The following CPA5 variants were observed in gnomAD, a reference collection of about 807,000 sequenced individuals.
CPA5 encodes carboxypeptidase A5.
In CPA5, 38 loss-of-function variants were observed where a neutral mutation model predicts 52.2. That is an observed-to-expected ratio of 0.73 (90% CI 0.56 to 0.95). CPA5 has a LOEUF of 0.95. Ranked by LOEUF, CPA5 falls within the 40% of genes least tolerant of loss-of-function variation. CPA5 has a pLI of 0.00. For missense variants in CPA5, 519 were observed against 566.7 expected, an observed-to-expected ratio of 0.92 and a Z score of 0.86; for synonymous variants, 198 against 213.7, an observed-to-expected ratio of 0.93 and a Z score of 0.64.
At chr7:130,359,489 G>T (rs1257961342) in intron 5 of CPA5, 100 bp from the exon 6 acceptor site, 1 of 773,616 alleles carries the variant, frequency 1.3e-6, no homozygotes, top group Non-Finnish European at 2.2e-6. Context: ...CTCCTGTGTT[G>T]CTGCTGTCTT....
chr7:130,359,739 G>A (rs571206373), intron 6 of CPA5, 52 bp downstream of exon 6: 11 of 1,317,806 alleles, frequency 8.3e-6, no homozygotes, highest in Non-Finnish European at 1.2e-5. Context: ...GGGCCCCTTA[G>A]GGTCTCCTGA....
intron 5 of CPA5, among the ~76,000 whole-genome samples, chr7:130,354,693 C>A (rs975154696): frequency 6.6e-6 from 1 of 152,064 alleles, no homozygotes; most frequent in Admixed American, 6.6e-5. Flanking sequence ...GGATCATAGG[C>A]GTGAACCACG....
At chr7:130,348,187 G>A (rs186413077) in intron 4 of CPA5, among the ~76,000 whole-genome samples, 159 of 152,284 alleles carry the variant, frequency 1.0e-3, no homozygotes, top group African/African-American at 3.6e-3. Flanking sequence ...GGGATGCCAC[G>A]TAGCATGGAG....
chr7:130,351,547 C>T (rs894627070), intron 5 of CPA5, among the ~76,000 whole-genome samples: 1 of 152,126 alleles, frequency 6.6e-6, no homozygotes, highest in African/African-American at 2.4e-5. Context: ...CTTGATCCAG[C>T]CAGGCAGGAT....
rs1467856504 is a variant in CPA5 at position 130,367,443 on chromosome 7, G to C, written c.910G>C (p.Ala304Pro). The C allele has an allele frequency of 1.2e-6, 2 of 1,614,026 alleles. No individual in the cohort carries two copies. Among genetic ancestry groups the C allele is most frequent in the African/African-American group, 2.7e-5 (2 of 74,908 alleles). Residue 304 changes from alanine (A) to proline (P), a missense_variant, in exon 11 of 13, where the codon GCT becomes CCT. Transcript: ENST00000474905. ...CTCCCCTCAGTCGGAGCCGGAGGTG[G>C]CTGCCATAGTGAACTTCATCACAGC... ...GPSPQSEPEV[A>P]AIVNFITAHG... is the part of the protein sequence containing the mutation.
At chr7:130,353,714 T>C (rs1446442051) in intron 5 of CPA5, among the ~76,000 whole-genome samples, 2 of 152,170 alleles carry the variant, frequency 1.3e-5, no homozygotes, top group East Asian at 1.9e-4. Context: ...CCATGCGCCA[T>C]CTCGTCCCTC....
intron 10 of CPA5, among the ~76,000 whole-genome samples, chr7:130,366,922 G>T (rs532253614): frequency 6.6e-6 from 1 of 152,226 alleles, no homozygotes; most frequent in Non-Finnish European, 1.5e-5. Flanking sequence ...CTTCAGAACT[G>T]CAGGGTATGG....
chr7:130,366,164 C>T (rs891900171), intron 10 of CPA5, among the ~76,000 whole-genome samples: 6 of 152,206 alleles, frequency 3.9e-5, no homozygotes, highest in Non-Finnish European at 8.8e-5. Flanking sequence ...TGCCTGGCCT[C>T]CTGTGCATTC....
chr7:130,361,276 T>C, intron 7 of CPA5, 32 bp downstream of exon 7: 1 of 1,428,268 alleles, frequency 7.0e-7, no homozygotes, highest in Non-Finnish European at 9.9e-7. Flanking sequence ...CTGTAGACTC[T>C]ACCTTGAGGG....
chr7:130,349,682 A>G (rs1178114335), intron 4 of CPA5, among the ~76,000 whole-genome samples: 1 of 152,212 alleles, frequency 6.6e-6, no homozygotes. Context: ...AAAATATCCC[A>G]TATACCCCAG....
downstream of CPA5, among the ~76,000 whole-genome samples, chr7:130,369,079 C>G (rs1796256238): frequency 6.6e-6 from 1 of 152,196 alleles, no homozygotes; most frequent in African/African-American, 2.4e-5. Context: ...GGCTTCACTT[C>G]CCATGCAGGG....
intron 12 of CPA5, 39 bp from the exon 13 acceptor site, chr7:130,368,370 CT>C: frequency 6.2e-7 from 1 of 1,601,242 alleles, no homozygotes; most frequent in East Asian, 2.2e-5. Context: ...ACATCCCCTT[CT>C]TCCTTTTGTG....
Position 130,349,992 on chromosome 7 carries a change from C to T in CPA5, c.216C>T (p.Gly72=), listed in dbSNP as rs1435926022. ...TGAACAAGGTGGACTTCTGGCGTGG[C>T]CCAGCCAGGCCCAGCCTCCCTGTGG... ...LKPQKVDFWR[G]PARPSLPVDM... is the part of the protein sequence containing the mutation. The change falls in exon 5 of 13, where the codon GGC becomes GGT. Residue 72 remains glycine, a synonymous_variant. Transcript: ENST00000474905. 8 of 1,613,296 alleles carry T rather than the reference C, an allele frequency of 5.0e-6. No individual in the cohort carries two copies. Among genetic ancestry groups the T allele is most frequent in the Non-Finnish European group, 5.9e-6 (7 of 1,179,710 alleles).
intron 5 of CPA5, among the ~76,000 whole-genome samples, chr7:130,351,857 G>T (rs1013489676): frequency 1.2e-4 from 19 of 152,068 alleles, no homozygotes. Context: ...CTGCAGGGTG[G>T]GCCCTCTGCG....
chr7:130,364,824 G>A (rs564117088), intron 10 of CPA5, among the ~76,000 whole-genome samples: 1 of 152,326 alleles, frequency 6.6e-6, no homozygotes, highest in East Asian at 1.9e-4. Flanking sequence ...CACAGGGATT[G>A]GGAAATTGAG....
chr7:130,363,365 C>T, intron 9 of CPA5, 54 bp from the exon 10 acceptor site: 1 of 1,459,730 alleles, frequency 6.9e-7, no homozygotes, highest in Non-Finnish European at 9.4e-7. Context: ...TCAGAGGCTC[C>T]CATCCCTGGG....
chr7:130,366,618 G>C (rs782674327), intron 10 of CPA5, among the ~76,000 whole-genome samples: 27 of 152,190 alleles, frequency 1.8e-4, no homozygotes, highest in Non-Finnish European at 3.5e-4. Context: ...CTGGCTCCCA[G>C]AACAGCCTCA....
chr7:130,352,354 G>A (rs1458607729), intron 5 of CPA5, among the ~76,000 whole-genome samples: 1 of 145,986 alleles, frequency 6.8e-6, no homozygotes, highest in African/African-American at 2.4e-5. Flanking sequence ...AGGGTCGCGG[G>A]GGCCGGGGAT....
intron 3 of CPA5, among the ~76,000 whole-genome samples, chr7:130,347,293 G>A (rs1432153313): frequency 2.0e-5 from 3 of 152,226 alleles, no homozygotes; most frequent in Non-Finnish European, 2.9e-5. Context: ...CAGGTGGGGT[G>A]AGGTTGTCTG....
Sources: allele counts gnomAD v4.1 joint callset (sites outside exome capture counted in the v4.1 genomes callset), GRCh38; gene constraint gnomAD v4.1.1; transcripts MANE v1.5; gene names NCBI Gene and HGNC (gene_info 2026-07-23, HGNC 2026-07-21).